Variants in TRHDE observed in about 807,000 individuals in gnomAD.
TRHDE encodes thyrotropin-releasing hormone-degrading ectoenzyme.
In TRHDE, 72 loss-of-function variants were observed where a neutral mutation model predicts 125.7. That is an observed-to-expected ratio of 0.57 (90% CI 0.47 to 0.70). TRHDE has a LOEUF of 0.70. Ranked by LOEUF, TRHDE falls within the 30% of genes least tolerant of loss-of-function variation. The pLI, the probability that TRHDE is intolerant of heterozygous loss-of-function variation, is 0.00. For missense variants in TRHDE, 1,110 were observed against 1,327.1 expected (o/e 0.84, Z 2.54); for synonymous variants, 509 against 509.1 (o/e 1.00, Z 0.00).
intron 7 of TRHDE, among the ~76,000 whole-genome samples, chr12:72,551,812 A>T (rs1208361477): frequency 6.6e-6 from 1 of 152,156 alleles, no homozygotes; most frequent in Admixed American, 6.6e-5. Context: ...AGCAAAAAAT[A>T]GGATGCTGTG....
Position 72,390,460 on chromosome 12 carries a change from A to G in TRHDE, c.1315+12339A>G, listed in dbSNP as rs1872576766. ...TAAAAAAAAAGGTGACCATTCTCAT[A>G]AACCTTAGAGCTAAAATAGCTTGTA... On this transcript the variant is annotated intron_variant, in intron 3 of 18. Transcript: ENST00000261180. Among the ~76,000 whole-genome samples the G allele has an allele frequency of 4.6e-5, 7 of 152,326 alleles. No individual in the cohort carries two copies. In the South Asian group the frequency reaches 1.4e-3, roughly 32 times the overall value.
chr12:72,354,689 T>C (rs1870733251), intron 2 of TRHDE, among the ~76,000 whole-genome samples: 1 of 148,644 alleles, frequency 6.7e-6, no homozygotes. Flanking sequence ...AAAATATATA[T>C]GTAAAATATA....
chr12:72,154,220 C>T (rs1004772459), intron 2 of TRHDE, among the ~76,000 whole-genome samples: 1 of 151,858 alleles, frequency 6.6e-6, no homozygotes, highest in Non-Finnish European at 1.5e-5. Flanking sequence ...GATTGCAACC[C>T]CTGCCTTTTT....
At chr12:72,490,766 A>AAC (rs1877635320) in intron 5 of TRHDE, among the ~76,000 whole-genome samples, 1 of 151,496 alleles carries the variant, frequency 6.6e-6, no homozygotes, top group African/African-American at 2.4e-5. Context: ...TAAAAAAAAA[A>AAC]AAAAAACAAC....
rs1875187255 is a variant in TRHDE, at chr12:72,106,357, T to C, written n.279+605T>C. 4.6e-5 allele frequency among the ~76,000 whole-genome samples: 7 copies of C among 152,052 alleles called. No homozygotes were observed. The South Asian group carries it at 1.5e-3, about 32-fold the overall frequency. On this transcript the variant is annotated intron_variant and non_coding_transcript_variant, in intron 2 of 4. Coordinates refer to the TRHDE transcript ENST00000548156. ...AAAAATACTAAAAAATTATTGTTAA[T>C]TGATTTTAGTTAAAGAAAAAGGTAA...
At chr12:72,590,762 C>T (rs1871639309) in intron 12 of TRHDE, among the ~76,000 whole-genome samples, 1 of 152,004 alleles carries the variant, frequency 6.6e-6, no homozygotes, top group South Asian at 2.1e-4. Flanking sequence ...AATTTTTATT[C>T]TCACAATCTC....
intron 2 of TRHDE, chr12:72,264,058 C>CA (rs1879012192): frequency 6.6e-6 from 1 of 151,990 alleles, no homozygotes. Flanking sequence ...CCACAACACA[C>CA]AAAAAATGTA....
chr12:72,519,920 G>C (rs1390259903), intron 6 of TRHDE, among the ~76,000 whole-genome samples: 2 of 152,052 alleles, frequency 1.3e-5, no homozygotes, highest in Non-Finnish European at 2.9e-5. Flanking sequence ...GTGTCAGTCT[G>C]CTGCTAGGGG....
At chr12:72,629,148 G>A (rs1481849620) in intron 15 of TRHDE, among the ~76,000 whole-genome samples, 1 of 151,594 alleles carries the variant, frequency 6.6e-6, no homozygotes, top group Non-Finnish European at 1.5e-5. Context: ...ATGCATTAAC[G>A]ACTTTATATT....
intron 6 of TRHDE, among the ~76,000 whole-genome samples, chr12:72,541,174 A>G (rs1285584532): frequency 6.6e-6 from 1 of 151,610 alleles, no homozygotes; most frequent in Admixed American, 6.6e-5. Flanking sequence ...ATTTGTACTG[A>G]GTATGAAATG....
chr12:72,631,873 T>G (rs779344300), intron 15 of TRHDE, among the ~76,000 whole-genome samples: 7 of 151,972 alleles, frequency 4.6e-5, no homozygotes, highest in Non-Finnish European at 1.0e-4. Flanking sequence ...CTTCCCAGTC[T>G]GAGGAATCAG....
At chr12:72,239,081 A>T (rs563456800) in intron 2 of TRHDE, among the ~76,000 whole-genome samples, 1 of 152,154 alleles carries the variant, frequency 6.6e-6, no homozygotes, top group African/African-American at 2.4e-5. Flanking sequence ...AATGATTGCT[A>T]TTCTAACTGG....
rs1413158319 is a variant in TRHDE, at chr12:72,145,443, A to G, written n.279+39691A>G. 2.6e-5 allele frequency among the ~76,000 whole-genome samples: 4 copies of G among 152,274 alleles called. No individual in the cohort carries two copies. In the East Asian group the frequency reaches 7.7e-4, roughly 29 times the overall value. ...TTTTGGAAGTTTTAATTTCTTCACA[A>G]CACTGCAAAAATGCTACAGTGGCCA... On this transcript the variant is annotated intron_variant and non_coding_transcript_variant, in intron 2 of 4. Coordinates refer to the TRHDE transcript ENST00000548156.
chr12:72,629,868 G>A (rs1467147726), intron 15 of TRHDE, among the ~76,000 whole-genome samples: 2 of 151,118 alleles, frequency 1.3e-5, no homozygotes, highest in African/African-American at 4.9e-5. Context: ...TTGTGATTAA[G>A]GCTTAAGACT....
rs181002893 is a variant in TRHDE, at chr12:72,214,138, A to T, written n.279+108386A>T. Among the ~76,000 whole-genome samples, 4 of 152,260 alleles carry T rather than the reference A, an allele frequency of 2.6e-5. No homozygotes were observed. The East Asian group carries it at 5.8e-4, about 22-fold the overall frequency. On this transcript the variant is annotated intron_variant and non_coding_transcript_variant, in intron 2 of 4. Transcript: ENST00000548156. The stretch of plus-strand genomic sequence containing the variant: ...GCCTTGGAAATGGTAAAGGGTTAAT[A>T]TACTTATTAATCTGGCTAACATTTT...
chr12:72,148,874 T>A (rs533032415), intron 2 of TRHDE, among the ~76,000 whole-genome samples: 127 of 152,306 alleles, frequency 8.3e-4, no homozygotes, highest in African/African-American at 2.9e-3. Flanking sequence ...TAGAACAAAG[T>A]ATGTCAGTAT....
intron 2 of TRHDE, among the ~76,000 whole-genome samples, chr12:72,183,978 T>C (rs571138731): frequency 7.9e-5 from 12 of 152,340 alleles, no homozygotes; most frequent in African/African-American, 2.6e-4. Flanking sequence ...TATATCAGCC[T>C]TCAAATTTGT....
intron 2 of TRHDE, among the ~76,000 whole-genome samples, chr12:72,295,582 T>G (rs986972473): frequency 3.3e-5 from 5 of 152,204 alleles, no homozygotes; most frequent in African/African-American, 1.2e-4. Flanking sequence ...AATGGTGGTA[T>G]GTATATATGT....
At chr12:72,205,874 G>A (rs1424039078) in intron 2 of TRHDE, among the ~76,000 whole-genome samples, 3 of 152,052 alleles carry the variant, frequency 2.0e-5, no homozygotes, top group African/African-American at 4.8e-5. Flanking sequence ...ACCCAGAAAC[G>A]GGATTATTGG....
Sources: gnomAD v4.1 joint callset for allele counts (sites outside exome capture counted in the v4.1 genomes callset) on GRCh38, gnomAD v4.1.1 for gene constraint, MANE v1.5 for transcripts, NCBI Gene and HGNC (gene_info 2026-07-23, HGNC 2026-07-21) for gene names.